Variants in CSGALNACT1 observed in about 807,000 individuals in gnomAD.
CSGALNACT1 encodes the protein chondroitin sulfate N-acetylgalactosaminyltransferase 1.
A neutral mutation model predicts 51.0 loss-of-function variants in CSGALNACT1; 52 were observed. The observed-to-expected ratio is 1.02, with a 90% CI of 0.82 to 1.29. CSGALNACT1 has a LOEUF of 1.29. CSGALNACT1 is among the 50% of genes most tolerant of loss of function. The pLI is 0.00. For missense variants in CSGALNACT1, 935 were observed against 679.2 expected (o/e 1.38, Z -4.19); for synonymous variants, 341 against 254.4 (o/e 1.34, Z -3.24).
intron 1 of CSGALNACT1, among the ~76,000 whole-genome samples, chr8:19,630,811 G>T (rs34780006): frequency 0.23 from 34,653 of 151,846 alleles, 4,259 homozygotes; most frequent in Admixed American, 0.32. Flanking sequence ...GGCTCTTTTT[G>T]AAAAACAGAC....
intron 5 of CSGALNACT1, 125 bp from the exon 5 acceptor site, chr8:19,440,056 C>T (rs1480000536): frequency 5.2e-6 from 4 of 771,304 alleles, no homozygotes; most frequent in African/African-American, 3.4e-5. Context: ...CCAGGAGAGC[C>T]GAGATGGGAA....
At chr8:19,541,710 C>T (rs370849645) in intron 3 of CSGALNACT1, among the ~76,000 whole-genome samples, 1 of 151,680 alleles carries the variant, frequency 6.6e-6, no homozygotes, top group Non-Finnish European at 1.5e-5. Flanking sequence ...CTGGCTGATA[C>T]ATTCTTTATT....
At chr8:19,506,404 T>C (rs865776971) in intron 3 of CSGALNACT1, among the ~76,000 whole-genome samples, 8 of 152,370 alleles carry the variant, frequency 5.3e-5, no homozygotes, top group Middle Eastern at 6.8e-3. Flanking sequence ...AAGAGTCATC[T>C]TTCTACTTCT....
intron 3 of CSGALNACT1, among the ~76,000 whole-genome samples, chr8:19,519,291 T>A (rs1488112127): frequency 5.9e-5 from 9 of 152,178 alleles, no homozygotes; most frequent in African/African-American, 9.7e-5. Context: ...AAGTTGTTGA[T>A]CCCCATTCTC....
intron 2 of CSGALNACT1, among the ~76,000 whole-genome samples, chr8:19,594,634 C>G (rs975341483): frequency 2.6e-5 from 4 of 152,152 alleles, no homozygotes; most frequent in Non-Finnish European, 5.9e-5. Context: ...ACCTCCACCT[C>G]CCAGGTTCAA....
intron 5 of CSGALNACT1, 141 bp downstream of exon 4, chr8:19,458,285 C>A: frequency 1.2e-6 from 1 of 837,730 alleles, no homozygotes; most frequent in Non-Finnish European, 2.1e-6. Flanking sequence ...AAATGATAAA[C>A]TTTACGTGGA....
At chr8:19,678,419 G>C (rs2060353751) in intron 1 of CSGALNACT1, among the ~76,000 whole-genome samples, 2 of 152,106 alleles carry the variant, frequency 1.3e-5, no homozygotes, top group South Asian at 4.2e-4. Flanking sequence ...CACCAGGAAG[G>C]GTAACTATTA....
chr8:19,701,152 C>CTTTTTTTTTT (rs1230956394), intron 1 of CSGALNACT1, among the ~76,000 whole-genome samples: 4 of 54,318 alleles, frequency 7.4e-5, no homozygotes, highest in South Asian at 7.3e-4. Flanking sequence ...ATCTATTATC[C>CTTTTTTTTTT]GTTTTTTTTT....
intron 6 of CSGALNACT1, among the ~76,000 whole-genome samples, chr8:19,438,428 A>G (rs1263159608): frequency 6.6e-6 from 1 of 152,204 alleles, no homozygotes; most frequent in Non-Finnish European, 1.5e-5. Flanking sequence ...GAACATTTGT[A>G]ATGTACTGGA....
chr8:19,411,424 G>A (rs1035978904), intron 8 of CSGALNACT1, among the ~76,000 whole-genome samples: 2 of 152,194 alleles, frequency 1.3e-5, no homozygotes, highest in Non-Finnish European at 2.9e-5. Context: ...GCACACAGCA[G>A]GTACTCAGTA....
intron 1 of CSGALNACT1, among the ~76,000 whole-genome samples, chr8:19,706,093 C>T (rs1184849752): frequency 6.6e-6 from 1 of 152,084 alleles, no homozygotes; most frequent in Non-Finnish European, 1.5e-5. Flanking sequence ...TAGATTTCTC[C>T]ACCTCCCAAT....
rs1045448956 is a variant in CSGALNACT1, at chr8:19,518,247, T to A, written c.-296-12117A>T. On this transcript the variant is annotated intron_variant, in intron 3 of 9. Coordinates refer to ENST00000454498, the Ensembl canonical transcript of CSGALNACT1. ...AAGCAGCCCCAAATCATTTTCTAAC[T>A]AAGAGCAGCCTGAAAAGTGGAGCCC... is the stretch of plus-strand genomic sequence containing the variant. 2.0e-4 allele frequency among the ~76,000 whole-genome samples: 30 copies of A among 152,162 alleles called. 1 individual carries two copies. The highest frequency in any genetic ancestry group is 4.4e-4 in the Non-Finnish European group (30 of 68,026).
intron 6 of CSGALNACT1, among the ~76,000 whole-genome samples, chr8:19,431,933 G>C (rs756179595): frequency 3.3e-5 from 5 of 151,340 alleles, no homozygotes; most frequent in Non-Finnish European, 5.9e-5. Flanking sequence ...TTTGTGCACT[G>C]TGTGCCCATC....
At chr8:19,444,043 A>G (rs1398010297) in intron 5 of CSGALNACT1, among the ~76,000 whole-genome samples, 3 of 152,152 alleles carry the variant, frequency 2.0e-5, no homozygotes, top group Non-Finnish European at 4.4e-5. Flanking sequence ...AGCTGATCTG[A>G]CAAGAGGTGG....
At chr8:19,737,074 G>C (rs2064023710) in intron 1 of CSGALNACT1, among the ~76,000 whole-genome samples, 1 of 152,074 alleles carries the variant, frequency 6.6e-6, no homozygotes, top group Non-Finnish European at 1.5e-5. Context: ...CTTCTCAAAA[G>C]CCAGTTAAAT....
At chr8:19,515,052 G>T (rs2079252633) in intron 3 of CSGALNACT1, among the ~76,000 whole-genome samples, 1 of 152,048 alleles carries the variant, frequency 6.6e-6, no homozygotes, top group Non-Finnish European at 1.5e-5. Flanking sequence ...TGCCACAACT[G>T]ATTCCAGGTC....
intron 3 of CSGALNACT1, among the ~76,000 whole-genome samples, chr8:19,523,220 G>C (rs2081065101): frequency 6.6e-6 from 1 of 152,114 alleles, no homozygotes; most frequent in South Asian, 2.1e-4. Flanking sequence ...CTATAGGAAA[G>C]GTGGCATGTA....
chr8:19,714,041 G>A (rs993993907), intron 1 of CSGALNACT1, among the ~76,000 whole-genome samples: 3 of 152,164 alleles, frequency 2.0e-5, no homozygotes, highest in Non-Finnish European at 4.4e-5. Flanking sequence ...TGCACCCAAA[G>A]CACTCTCCAG....
intron 1 of CSGALNACT1, among the ~76,000 whole-genome samples, chr8:19,631,547 A>G (rs561367519): frequency 1.3e-5 from 2 of 152,346 alleles, no homozygotes; most frequent in Non-Finnish European, 2.9e-5. Context: ...GGAGGGCTCC[A>G]GTGAGAACAA....
Sources: gnomAD v4.1 joint callset for allele counts (sites outside exome capture counted in the v4.1 genomes callset) on GRCh38, gnomAD v4.1.1 for gene constraint, MANE v1.5 for transcripts, NCBI Gene and HGNC (gene_info 2026-07-23, HGNC 2026-07-21) for gene names.